Variants in REDIC1 observed in about 807,000 individuals in gnomAD.
REDIC1 encodes the protein regulator of DNA class I crossover intermediates 1.
the REDIC1 span, among the ~76,000 whole-genome samples, chr12:39,823,330 C>T: frequency 6.6e-6 from 1 of 152,086 alleles, no homozygotes; most frequent in Non-Finnish European, 1.5e-5. Flanking sequence ...ATGTGACTAA[C>T]TGATAAAAAT....
chr12:39,860,072 G>A, the REDIC1 span, among the ~76,000 whole-genome samples: 1 of 152,198 alleles, frequency 6.6e-6, no homozygotes, highest in Non-Finnish European at 1.5e-5. Context: ...TGTGTCGTTG[G>A]TTTCATATTA....
chr12:39,845,630 G>C, the REDIC1 span, among the ~76,000 whole-genome samples: 1 of 152,210 alleles, frequency 6.6e-6, no homozygotes, highest in East Asian at 1.9e-4. Flanking sequence ...CATTTGGTTG[G>C]AAGTTGTGTT....
the REDIC1 span, among the ~76,000 whole-genome samples, chr12:39,667,799 T>C: frequency 6.6e-6 from 1 of 152,218 alleles, no homozygotes; most frequent in Non-Finnish European, 1.5e-5. Context: ...CTTGTTGAAT[T>C]GATTCCTTTA....
the REDIC1 span, chr12:39,692,318 T>C: frequency 2.7e-6 from 1 of 369,656 alleles, no homozygotes; most frequent in Non-Finnish European, 4.6e-6. Context: ...AGGTACAGTT[T>C]AGCAAATAAG....
chr12:39,718,725 A>G, the REDIC1 span, among the ~76,000 whole-genome samples: 1 of 151,958 alleles, frequency 6.6e-6, no homozygotes, highest in African/African-American at 2.4e-5. Context: ...GTTTAGGCAG[A>G]TATCCTTTTT....
chr12:39,748,811 G>T, the REDIC1 span, among the ~76,000 whole-genome samples: 2 of 152,336 alleles, frequency 1.3e-5, no homozygotes, highest in Non-Finnish European at 1.5e-5. Context: ...CCCTGCTCCT[G>T]AATGACTACT....
chr12:39,665,574 A>G, the REDIC1 span, among the ~76,000 whole-genome samples: 34 of 150,262 alleles, frequency 2.3e-4, 1 homozygote, highest in Admixed American at 1.7e-3. Context: ...TTGGTTCCAT[A>G]TGAACTTTAA....
the REDIC1 span, among the ~76,000 whole-genome samples, chr12:39,738,565 C>T: frequency 1.3e-5 from 2 of 152,144 alleles, no homozygotes; most frequent in Non-Finnish European, 2.9e-5. Flanking sequence ...ACACTCCTTC[C>T]ACAGAAGGTG....
At chr12:39,758,045 T>TAA in the REDIC1 span, 35 of 151,834 alleles carry the variant, frequency 2.3e-4, no homozygotes, top group East Asian at 5.8e-3. Context: ...TCTTATGAGA[T>TAA]AAGAAATATC....
chr12:39,692,333 A>G, the REDIC1 span: 1,465 of 338,810 alleles, frequency 4.3e-3, 15 homozygotes, highest in African/African-American at 0.029. Context: ...AATAAGAATA[A>G]AACAGATAAC....
At chr12:39,773,314 T>G in the REDIC1 span, among the ~76,000 whole-genome samples, 1 of 152,166 alleles carries the variant, frequency 6.6e-6, no homozygotes. Context: ...GTGAGAGAAC[T>G]AATCCTTACC....
chr12:39,865,987 A>G, the REDIC1 span, among the ~76,000 whole-genome samples: 1 of 152,224 alleles, frequency 6.6e-6, no homozygotes, highest in African/African-American at 2.4e-5. Flanking sequence ...ATATGTGTTA[A>G]CTTATATAAC....
At chr12:39,703,928 A>G in the REDIC1 span, among the ~76,000 whole-genome samples, 2 of 152,218 alleles carry the variant, frequency 1.3e-5, no homozygotes, top group Non-Finnish European at 2.9e-5. Context: ...AATCAATTCA[A>G]GATGGATTAA....
At chr12:39,817,668 G>T in the REDIC1 span, among the ~76,000 whole-genome samples, 1 of 152,112 alleles carries the variant, frequency 6.6e-6, no homozygotes, top group Non-Finnish European at 1.5e-5. Flanking sequence ...TACTATTTCA[G>T]TTAGTAGTCA....
the REDIC1 span, chr12:39,759,833 A>T: frequency 1.8e-6 from 1 of 540,552 alleles, no homozygotes. Flanking sequence ...AATATTTTTT[A>T]AAATATTGTT....
At chr12:39,842,178 G>A in the REDIC1 span, among the ~76,000 whole-genome samples, 5 of 152,028 alleles carry the variant, frequency 3.3e-5, no homozygotes, top group Admixed American at 1.3e-4. Context: ...AGGAAAGCAG[G>A]CTGAACAATA....
the REDIC1 span, among the ~76,000 whole-genome samples, chr12:39,729,230 A>T: frequency 6.6e-6 from 1 of 151,904 alleles, no homozygotes; most frequent in African/African-American, 2.4e-5. Flanking sequence ...TTGCTTCTCT[A>T]GTTCTTTTAA....
At chr12:39,770,230 G>A in the REDIC1 span, among the ~76,000 whole-genome samples, 2 of 151,958 alleles carry the variant, frequency 1.3e-5, no homozygotes, top group African/African-American at 4.8e-5. Context: ...CTCCTCAATA[G>A]TTTATTCTGG....
the REDIC1 span, among the ~76,000 whole-genome samples, chr12:39,819,320 G>C: frequency 3.3e-5 from 5 of 152,050 alleles, no homozygotes; most frequent in African/African-American, 4.8e-5. Context: ...GTCATAGAAA[G>C]TTAAACTAAG....
Sources: gnomAD v4.1 joint callset for allele counts (sites outside exome capture counted in the v4.1 genomes callset) on GRCh38, gnomAD v4.1.1 for gene constraint, MANE v1.5 for transcripts, NCBI Gene and HGNC (gene_info 2026-07-23, HGNC 2026-07-21) for gene names.